CRAMP1: variants seen among roughly 807,000 people sequenced by gnomAD.
The protein encoded by CRAMP1 is protein cramped-like.
In CRAMP1, 50 loss-of-function variants were observed where a neutral mutation model predicts 115.4. That is an observed-to-expected ratio of 0.43 (90% CI 0.35 to 0.55). CRAMP1 has a LOEUF of 0.55. Ranked by LOEUF, CRAMP1 falls within the 20% of genes least tolerant of loss-of-function variation. The pLI is 0.01. For synonymous variants in CRAMP1, 866 were observed against 745.4 expected (o/e 1.16, Z -2.64); for missense variants, 1,679 against 1,721.7 (o/e 0.98, Z 0.44).
chr16:1,653,003 C>G (rs772000598), intron 7 of CRAMP1, 30 bp from the exon 8 acceptor site: 2 of 1,613,200 alleles, frequency 1.2e-6, no homozygotes, highest in Non-Finnish European at 1.7e-6. Flanking sequence ...TTGGGCTGCA[C>G]TAAACTTTCA....
At position 1,614,494 on chromosome 16, in the gene CRAMP1, C is replaced by T; in HGVS notation, c.-1-145C>T. 3.9e-6 allele frequency: 1 copy of T among 256,528 alleles called. No homozygotes were observed. The highest frequency in any genetic ancestry group is 6.4e-6 in the Non-Finnish European group (1 of 156,976). 15.9% of individuals were successfully genotyped at this position (256,528 alleles called of 1,614,324 possible). A position where few individuals can be genotyped will look rare whatever the true frequency, so the allele number is the denominator to read the frequency against. On this transcript the variant is annotated intron_variant, in intron 1 of 20. Coordinates refer to ENST00000397412, the MANE Select transcript of CRAMP1 (RefSeq NM_020825.4). The surrounding 1 kb of genome is among the most constrained non-coding windows in gnomAD (Gnocchi z 4.4). ...TGGGGGCGGCAGGGGCCGCGGCGGG[C>T]TCGGGCGGGCTCGGGCGGGCCGGGC...
chr16:1,642,943 C>A (rs74316708), intron 6 of CRAMP1, among the ~76,000 whole-genome samples: 2,962 of 152,302 alleles, frequency 0.019, 113 homozygotes, highest in African/African-American at 0.067. Flanking sequence ...CAGCGCCATC[C>A]GCGGGAGAAC....
intron 14 of CRAMP1, chr16:1,665,855 G>A: frequency 1.8e-6 from 1 of 564,920 alleles, no homozygotes; most frequent in Non-Finnish European, 3.2e-6. Context: ...AGTAGCTCCT[G>A]GGAGGCACAG....
chr16:1,670,372 G>A (rs2036911604), intron 19 of CRAMP1: 1 of 371,512 alleles, frequency 2.7e-6, no homozygotes, highest in Non-Finnish European at 4.9e-6. Context: ...TGGGGGTGGG[G>A]GATGGCAGCG....
Position 1,622,910 on chromosome 16 carries a change from C to T in CRAMP1, c.347-3063C>T, listed in dbSNP as rs936176610. Among the ~76,000 whole-genome samples, 4 of 152,038 alleles carry T rather than the reference C, an allele frequency of 2.6e-5. No homozygotes were observed. In the East Asian group the frequency reaches 5.8e-4, roughly 22 times the overall value. ...TGGAGTAGCTGGGACTACTGGTGCA[C>T]GCCACCACATGGGGCTAATTTTGTA... On this transcript the variant is annotated intron_variant, in intron 2 of 20. Coordinates refer to ENST00000397412, the MANE Select transcript of CRAMP1 (RefSeq NM_020825.4).
rs1286890414 is a variant in CRAMP1, at chr16:1,671,034, T to C, written c.3645+225T>C. ...GCAGAATGACAGACTTAGTCATAGC[T>C]GAGCTCTGCAGGCCTCTGAACTGGA... On this transcript the variant is annotated intron_variant, in intron 20 of 20. Transcript: ENST00000397412. This position sits in a 1 kb window ranked among gnomAD's most constrained non-coding sequence, Gnocchi z 5.0. 6.6e-6 allele frequency among the ~76,000 whole-genome samples: 1 copy of C among 152,174 alleles called. No individual in the cohort carries two copies. Among genetic ancestry groups the C allele is most frequent in the Non-Finnish European group, 1.5e-5 (1 of 68,030 alleles).
At chr16:1,620,481 CCT>C (rs2036457157) in intron 2 of CRAMP1, among the ~76,000 whole-genome samples, 1 of 152,128 alleles carries the variant, frequency 6.6e-6, no homozygotes, top group Non-Finnish European at 1.5e-5. Context: ...ACGCTGACTC[CCT>C]CGCAGTTGGT....
At position 1,673,957 on chromosome 16, in the gene CRAMP1, A is replaced by G; in HGVS notation, c.3722A>G (p.Gln1241Arg). Residue 1241 changes from glutamine (Q) to arginine (R), a missense_variant, in exon 21 of 21, where the codon CAA (glutamine) becomes CGA (arginine). Transcript: ENST00000397412. ...ATTTCTCGGTTCAATGACCTGGCCC[A>G]AGAGCTGTCCATCGCTGAGCCTGGC... ...DYISRFNDLA[Q>R]ELSIAEPGRR... 6.2e-7 allele frequency: 1 copy of G among 1,613,566 alleles called. No homozygotes were observed. Among genetic ancestry groups the G allele is most frequent in the African/African-American group, 1.3e-5 (1 of 75,048 alleles).
At chr16:1,645,546 T>G (rs1209320315) in intron 6 of CRAMP1, 1 of 157,798 alleles carries the variant, frequency 6.3e-6, no homozygotes, top group Non-Finnish European at 1.4e-5. Flanking sequence ...TCACTCAGAG[T>G]CCATAGTTTA....
rs142865616 is a variant in CRAMP1 at position 1,630,423 on chromosome 16, A to T, written c.541-1789A>T. On this transcript the variant is annotated intron_variant, in intron 3 of 20. Coordinates refer to ENST00000397412, the MANE Select transcript of CRAMP1 (RefSeq NM_020825.4). ...CACCTCAGCCTCCTAAAGTGCTGGGATTACAGGCACGAGCCACCACCTGGC... is the reference window on the plus strand; with the variant it reads ...CACCTCAGCCTCCTAAAGTGCTGGGTTTACAGGCACGAGCCACCACCTGGC... Among the ~76,000 whole-genome samples the T allele has an allele frequency of 4.6e-5, 7 of 152,320 alleles. No individual in the cohort carries two copies. The East Asian group carries it at 1.4e-3, about 29-fold the overall frequency.
chr16:1,648,717 CT>C (rs2036697273), intron 6 of CRAMP1, among the ~76,000 whole-genome samples: 1 of 152,064 alleles, frequency 6.6e-6, no homozygotes, highest in Non-Finnish European at 1.5e-5. Context: ...CATAAAACTG[CT>C]GTGGCACTTA....
intron 5 of CRAMP1, among the ~76,000 whole-genome samples, 193 bp from the exon 6 acceptor site, chr16:1,640,946 C>T (rs972280752): frequency 7.9e-5 from 12 of 151,990 alleles, no homozygotes; most frequent in African/African-American, 2.9e-4. Flanking sequence ...TGAGCGGGGG[C>T]GACCAGGGCA....
At chr16:1,641,881 G>T (rs566286303) in intron 6 of CRAMP1, among the ~76,000 whole-genome samples, 2 of 151,468 alleles carry the variant, frequency 1.3e-5, no homozygotes, top group Non-Finnish European at 3.0e-5. Flanking sequence ...CGCAGCCTGG[G>T]GGGTCCCCAC....
At chr16:1,612,758 C>G (rs1290602289) in intron 1 of CRAMP1, among the ~76,000 whole-genome samples, 101 bp downstream of exon 1, 2 of 152,038 alleles carry the variant, frequency 1.3e-5, no homozygotes, top group Admixed American at 6.5e-5. Flanking sequence ...TTCCACAGCG[C>G]CCGGTACAGC....
chr16:1,635,291 G>T (rs1008228211), intron 4 of CRAMP1, among the ~76,000 whole-genome samples: 2 of 152,210 alleles, frequency 1.3e-5, no homozygotes, highest in Non-Finnish European at 2.9e-5. Context: ...GGTGGCAAGC[G>T]AGCGTGGAAG....
At chr16:1,620,659 A>G (rs917017157) in intron 2 of CRAMP1, 4 of 456,894 alleles carry the variant, frequency 8.8e-6, no homozygotes, top group African/African-American at 2.0e-5. Flanking sequence ...CCAAAGGCCC[A>G]GCTCTGGCTG....
chr16:1,614,921 C>T lies in CRAMP1; in HGVS notation c.282C>T (p.Pro94=). Residue 94 remains proline (P), a synonymous_variant, in exon 2 of 21, where the codon CCC becomes CCT. Transcript: ENST00000397412. The surrounding 1 kb of genome is among the most constrained non-coding windows in gnomAD (Gnocchi z 4.4). The stretch of plus-strand genomic sequence containing the variant: ...GCGTGCGGCCGCAGAGCAAGAGGCC[C>T]AGGAAGGATCCTCCGAGCGCTGTGG... ...RSSVRPQSKR[P]RKDPPSAVGS... 7.7e-7 allele frequency: 1 copy of T among 1,300,356 alleles called. No individual in the cohort carries two copies. The highest frequency in any genetic ancestry group is 3.7e-5 in the Admixed American group (1 of 27,292). 80.6% of individuals were successfully genotyped at this position (1,300,356 alleles called of 1,614,324 possible).
At chr16:1,650,838 C>T (rs2036716350) in intron 6 of CRAMP1, among the ~76,000 whole-genome samples, 1 of 152,252 alleles carries the variant, frequency 6.6e-6, no homozygotes, top group African/African-American at 2.4e-5. Flanking sequence ...ACAAGATACA[C>T]ATGCCCTGAG....
At position 1,669,221 on chromosome 16, in the gene CRAMP1, C is replaced by T; in HGVS notation, c.3499+56C>T. 1 of 1,323,688 alleles carries T rather than the reference C, an allele frequency of 7.6e-7. No homozygotes were observed. The highest frequency in any genetic ancestry group is 1.5e-5 in the South Asian group (1 of 67,072). 82.0% of individuals were successfully genotyped at this position (1,323,688 alleles called of 1,614,324 possible). On this transcript the variant is annotated intron_variant, in intron 19 of 20. Coordinates refer to ENST00000397412, the MANE Select transcript of CRAMP1 (RefSeq NM_020825.4). The surrounding 1 kb of genome is among the most constrained non-coding windows in gnomAD (Gnocchi z 4.6). ...TTTCCAGGGCAGCAGGGGCTGGGGT[C>T]TGCGGGACACTGGATTCTCATTCTA... is the stretch of plus-strand genomic sequence containing the variant.
Sources: allele counts gnomAD v4.1 joint callset (sites outside exome capture counted in the v4.1 genomes callset), GRCh38; gene constraint gnomAD v4.1.1; non-coding constraint Gnocchi (gnomAD v3.1); transcripts MANE v1.5; gene names NCBI Gene and HGNC (gene_info 2026-07-23, HGNC 2026-07-21).